CCDC34: variants seen among roughly 807,000 people sequenced by gnomAD.
CCDC34 encodes the protein coiled-coil domain-containing protein 34.
CCDC34 carries 40 observed loss-of-function variants against 44.1 expected under a neutral mutation model. That is an observed-to-expected ratio of 0.91 (90% CI 0.70 to 1.18). The LOEUF (loss-of-function observed/expected upper bound fraction) is 1.18. Among genes scored for constraint, CCDC34 ranks in the 50% most tolerant of loss-of-function variants. The pLI, the probability that CCDC34 is intolerant of heterozygous loss-of-function variation, is 0.00. For synonymous variants in CCDC34, 159 were observed against 158.2 expected (o/e 1.01, Z -0.04); for missense variants, 466 against 452.3 (o/e 1.03, Z -0.28).
At chr11:27,341,849 G>A (rs916948382) in intron 3 of CCDC34, among the ~76,000 whole-genome samples, 3 of 152,176 alleles carry the variant, frequency 2.0e-5, no homozygotes, top group Admixed American at 6.6e-5. Context: ...GATATGGTTT[G>A]GCTGTGTCTC....
chr11:27,357,689 T>C, intron 1 of CCDC34, 148 bp from the exon 2 acceptor site: 1 of 626,298 alleles, frequency 1.6e-6, no homozygotes, highest in South Asian at 3.7e-5. Flanking sequence ...TACATAAGTA[T>C]ACATTTAAAA....
chr11:27,349,695 C>T (rs1862478312), intron 3 of CCDC34: 2 of 981,046 alleles, frequency 2.0e-6, no homozygotes, highest in Admixed American at 6.1e-5. Flanking sequence ...GGAAAAAATG[C>T]AGCCATTCAA....
chr11:27,345,239 AGTGGAGAGTATTTTTAC>A (rs1452028186), intron 3 of CCDC34, among the ~76,000 whole-genome samples: 1 of 152,206 alleles, frequency 6.6e-6, no homozygotes, highest in East Asian at 1.9e-4. Context: ...GGAAGAAAAC[AGTGGAGAGTATTTTTAC>A]CCTCTTGTGG....
intron 3 of CCDC34, among the ~76,000 whole-genome samples, chr11:27,346,919 A>G (rs1862442785): frequency 6.6e-6 from 1 of 152,214 alleles, no homozygotes; most frequent in Non-Finnish European, 1.5e-5. Context: ...GAACAGAGAA[A>G]AGCCCTGTGG....
rs138398713 is a variant in CCDC34, at chr11:27,343,472, G to T, written c.607-1922C>A. Among the ~76,000 whole-genome samples the T allele has an allele frequency of 1.5e-4, 22 of 151,640 alleles. No homozygotes were observed. The East Asian group carries it at 4.3e-3, about 29-fold the overall frequency. ...ATCAAAGTTGCTGTATTTCCTTCTT[G>T]CTGGGCAGCCAATAGCTGTGAAACA... On this transcript the variant is annotated intron_variant, in intron 3 of 5. Transcript: ENST00000328697.
intron 3 of CCDC34, chr11:27,348,822 GA>G (rs1862468182): frequency 4.8e-5 from 33 of 690,594 alleles, no homozygotes; most frequent in Non-Finnish European, 5.6e-5. Flanking sequence ...AAAAAAAAAA[GA>G]ATAATCAATT....
intron 2 of CCDC34, among the ~76,000 whole-genome samples, chr11:27,352,644 T>C (rs896399270): frequency 6.6e-6 from 1 of 152,164 alleles, no homozygotes; most frequent in Non-Finnish European, 1.5e-5. Context: ...TATTTAAATG[T>C]ATAACTAAAG....
chr11:27,340,236 T>A (rs145062139), intron 5 of CCDC34, among the ~76,000 whole-genome samples: 1 of 152,342 alleles, frequency 6.6e-6, no homozygotes, highest in African/African-American at 2.4e-5. Context: ...CTACCCTTTA[T>A]AATCAGACCA....
At chr11:27,341,000 T>G (rs1468008286) in intron 4 of CCDC34, among the ~76,000 whole-genome samples, 163 bp from the exon 5 acceptor site, 1 of 152,128 alleles carries the variant, frequency 6.6e-6, no homozygotes, top group Non-Finnish European at 1.5e-5. Flanking sequence ...TTGAACATGA[T>G]CATGGACATA....
At chr11:27,362,784 G>T (rs370532900) in intron 1 of CCDC34, 52 bp downstream of exon 1, 9 of 1,580,470 alleles carry the variant, frequency 5.7e-6, no homozygotes, top group Non-Finnish European at 6.9e-6. Context: ...TACTTAAGAG[G>T]GTCTAAGGAA....
chr11:27,348,671 A>G (rs1404347278), intron 3 of CCDC34, among the ~76,000 whole-genome samples: 1 of 152,164 alleles, frequency 6.6e-6, no homozygotes, highest in Non-Finnish European at 1.5e-5. Context: ...GCTGAGGACC[A>G]CACACCATGA....
chr11:27,344,735 T>C (rs768853472), intron 3 of CCDC34, among the ~76,000 whole-genome samples: 1 of 152,006 alleles, frequency 6.6e-6, no homozygotes, highest in Non-Finnish European at 1.5e-5. Context: ...AAATTTGATA[T>C]TATTAAGATA....
At position 27,363,207 on chromosome 11, in the gene CCDC34, G is replaced by C. The variant is rs201681864; in HGVS notation, c.-13C>G. ...CCGCCGCCCACATCTGGCCCGCCAA[G>C]TTCAAACTGGCGGAGCCGCGGCGGG... On this transcript the variant is annotated 5_prime_UTR_variant, in exon 1 of 6. Transcript: ENST00000328697. 116 of 1,454,678 alleles carry C rather than the reference G, an allele frequency of 8.0e-5. 1 individual carries two copies. In the East Asian group the frequency reaches 9.7e-4, roughly 12 times the overall value. 90.1% of individuals were successfully genotyped at this position (1,454,678 alleles called of 1,614,324 possible).
chr11:27,339,261 G>A (rs1387194278), intron 5 of CCDC34, among the ~76,000 whole-genome samples: 1 of 151,984 alleles, frequency 6.6e-6, no homozygotes, highest in Non-Finnish European at 1.5e-5. Context: ...ATAATTCTAA[G>A]AATCCAAATA....
chr11:27,346,241 C>G (rs1321803400), intron 3 of CCDC34, among the ~76,000 whole-genome samples: 1 of 151,730 alleles, frequency 6.6e-6, no homozygotes, highest in Non-Finnish European at 1.5e-5. Context: ...ACTAAAAATA[C>G]AAAAATTAGC....
intron 1 of CCDC34, among the ~76,000 whole-genome samples, chr11:27,361,382 T>A (rs1862662414): frequency 6.6e-6 from 1 of 152,254 alleles, no homozygotes; most frequent in Non-Finnish European, 1.5e-5. Flanking sequence ...CACTAACTTG[T>A]GTCCAGATTG....
In CCDC34 at chr11:27,350,356, T is replaced by C. The variant is rs1166522718; in HGVS notation, c.582A>G (p.Glu194=). ...RKIIAEEKHK[E]WVQKKNEQKR... is the part of the protein sequence containing the mutation. ...CTTGCTCATTCTTTTTCTGAACCCA[T>C]TCCTTGTGCTTTTCTTCAGCAATTA... The change falls in exon 3 of 6, where the codon GAA becomes GAG. Residue 194 remains glutamate, a synonymous_variant. Transcript: ENST00000328697. 1 of 1,613,996 alleles carries C rather than the reference T, an allele frequency of 6.2e-7. No individual in the cohort carries two copies. Among genetic ancestry groups the C allele is most frequent in the Non-Finnish European group, 8.5e-7 (1 of 1,179,952 alleles).
chr11:27,340,741 G>A lies in CCDC34; in HGVS notation c.862C>T (p.Arg288Cys), dbSNP rs371291657. 187 of 1,613,788 alleles carry A rather than the reference G, an allele frequency of 1.2e-4. 1 individual carries two copies. The highest frequency in any genetic ancestry group is 3.7e-4 in the Admixed American group (22 of 60,000). Residue 288 changes from arginine (R) to cysteine (C), a missense_variant, in exon 5 of 6, where the codon CGT (arginine) becomes TGT (cysteine). Arg to Cys is a radical substitution (Grantham distance 180). Transcript: ENST00000328697. ...EWLENAKHKP[R>C]PAAKSYGYAN... ...TAACCATAGCTCTTTGCAGCTGGAC[G>A]AGGTTTATGTTTCGCATTTTCCAAC...
chr11:27,346,658 A>G (rs970648877), intron 3 of CCDC34, among the ~76,000 whole-genome samples: 1 of 152,150 alleles, frequency 6.6e-6, no homozygotes, highest in African/African-American at 2.4e-5. Context: ...ACAACACAAA[A>G]CAAGCCAACA....
Sources: allele counts gnomAD v4.1 joint callset (sites outside exome capture counted in the v4.1 genomes callset), GRCh38; gene constraint gnomAD v4.1.1; transcripts MANE v1.5; gene names NCBI Gene and HGNC (gene_info 2026-07-23, HGNC 2026-07-21).